DYM: variants seen among roughly 807,000 people sequenced by gnomAD.
DYM encodes the protein dyggve-Melchior-Clausen syndrome protein.
A neutral mutation model predicts 93.1 loss-of-function variants in DYM; 78 were observed. The ratio of observed to expected loss-of-function variants is 0.84; its 90% confidence interval spans 0.70 to 1.01. The LOEUF (loss-of-function observed/expected upper bound fraction) is 1.01. Ranked by LOEUF, DYM falls within the 50% of genes least tolerant of loss-of-function variation. The pLI is 0.00. For synonymous variants in DYM, 321 were observed against 319.7 expected (o/e 1.00, Z -0.04); for missense variants, 789 against 845.0 (o/e 0.93, Z 0.82).
intron 6 of DYM, among the ~76,000 whole-genome samples, chr18:49,347,497 C>T (rs978764486): frequency 6.6e-6 from 1 of 152,040 alleles, no homozygotes; most frequent in African/African-American, 2.4e-5. Flanking sequence ...CTGCAGGAGT[C>T]GCCGATTCGA....
At chr18:49,314,179 A>G (rs2061780115) in intron 8 of DYM, among the ~76,000 whole-genome samples, 1 of 152,174 alleles carries the variant, frequency 6.6e-6, no homozygotes, top group Non-Finnish European at 1.5e-5. Flanking sequence ...AAAACCCTAA[A>G]TGACATAGTT....
intron 13 of DYM, among the ~76,000 whole-genome samples, chr18:49,215,798 G>C (rs182892802): frequency 6.6e-6 from 1 of 152,200 alleles, no homozygotes; most frequent in Non-Finnish European, 1.5e-5. Context: ...GAACAGCTCC[G>C]GTCTACAGCT....
At chr18:49,100,983 T>G (rs1163726454) in intron 16 of DYM, among the ~76,000 whole-genome samples, 1 of 152,224 alleles carries the variant, frequency 6.6e-6, no homozygotes, top group African/African-American at 2.4e-5. Flanking sequence ...CTTTCAGATG[T>G]TGTCTGACTG....
intron 8 of DYM, among the ~76,000 whole-genome samples, chr18:49,325,546 C>T (rs1184112674): frequency 6.6e-6 from 1 of 152,072 alleles, no homozygotes; most frequent in Non-Finnish European, 1.5e-5. Flanking sequence ...TAATTATGGG[C>T]CACACACCTA....
intron 8 of DYM, among the ~76,000 whole-genome samples, chr18:49,306,071 G>A (rs924668785): frequency 6.6e-6 from 1 of 152,204 alleles, no homozygotes; most frequent in Non-Finnish European, 1.5e-5. Flanking sequence ...CAGCTGAAAA[G>A]AAGATTAGTG....
At chr18:49,418,281 C>G (rs192326229) in intron 2 of DYM, among the ~76,000 whole-genome samples, 261 of 152,060 alleles carry the variant, frequency 1.7e-3, no homozygotes, top group African/African-American at 6.0e-3. Context: ...AAGTACAGGT[C>G]TGTTTTTCAT....
chr18:49,066,518 T>C (rs543490114), intron 17 of DYM, among the ~76,000 whole-genome samples: 1 of 152,244 alleles, frequency 6.6e-6, no homozygotes, highest in Non-Finnish European at 1.5e-5. Context: ...CTACCACTGA[T>C]GGACACTGGG....
At chr18:49,234,903 C>T (rs1226304175) in intron 13 of DYM, among the ~76,000 whole-genome samples, 1 of 152,114 alleles carries the variant, frequency 6.6e-6, no homozygotes, top group Non-Finnish European at 1.5e-5. Context: ...GATGCAGGGG[C>T]CCACATGTAA....
At chr18:49,440,374 CATATTAT>C (rs1247003505) in intron 1 of DYM, among the ~76,000 whole-genome samples, 1 of 121,144 alleles carries the variant, frequency 8.3e-6, no homozygotes, top group African/African-American at 3.3e-5. Context: ...TATAATATAG[CATATTAT>C]ATATGATATA....
intron 1 of DYM, among the ~76,000 whole-genome samples, chr18:49,455,003 T>C (rs1292869063): frequency 6.6e-6 from 1 of 150,998 alleles, no homozygotes; most frequent in Non-Finnish European, 1.5e-5. Flanking sequence ...CTCTCCTCTC[T>C]CCTTTCTTCT....
chr18:49,084,365 G>C (rs1316822346), intron 17 of DYM, among the ~76,000 whole-genome samples: 1 of 151,990 alleles, frequency 6.6e-6, no homozygotes, highest in Non-Finnish European at 1.5e-5. Context: ...GACTTGTTTT[G>C]TGACCCAGCA....
chr18:49,073,106 T>A (rs1015201199), intron 17 of DYM, among the ~76,000 whole-genome samples: 7 of 152,216 alleles, frequency 4.6e-5, no homozygotes, highest in Non-Finnish European at 1.0e-4. Flanking sequence ...AGTGACTCAA[T>A]CTCAGGGAAG....
At chr18:49,455,750 G>A (rs148243017) in intron 1 of DYM, among the ~76,000 whole-genome samples, 1 of 152,172 alleles carries the variant, frequency 6.6e-6, no homozygotes, top group East Asian at 1.9e-4. Context: ...TCAGGAGTTC[G>A]AGACAGCCTG....
rs1175843718 is a variant in DYM at position 49,209,608 on chromosome 18, T to C, written c.1568A>G (p.Asn523Ser). The C allele has an allele frequency of 6.2e-6, 8 of 1,289,744 alleles. No individual in the cohort carries two copies. Among genetic ancestry groups the C allele is most frequent in the South Asian group, 6.2e-5 (5 of 81,018 alleles). 79.9% of individuals were successfully genotyped at this position (1,289,744 alleles called of 1,614,324 possible). Residue 523 changes from asparagine (N) to serine (S), a missense_variant, in exon 14 of 18, where the codon AAT (asparagine) becomes AGT (serine). Physicochemically the swap from Asn to Ser is conservative, Grantham distance 46. This residue lies in a region of DYM where 225 missense variants were observed against 303.0 expected (regional missense o/e 0.74). Transcript: ENST00000675505. The part of the protein sequence containing the change: ...LQHCFSTLSD[N>S]GEELLSLTCS... Reference sequence around the variant, plus strand: ...AGTTAAAGACAAGAGTTCCTCTCCATTGTCACTGAGGGTCGAGAAGCAATG... The same window carrying C: ...AGTTAAAGACAAGAGTTCCTCTCCACTGTCACTGAGGGTCGAGAAGCAATG...
intron 14 of DYM, among the ~76,000 whole-genome samples, chr18:49,178,904 AC>A (rs755738056): frequency 4.0e-5 from 6 of 151,692 alleles, no homozygotes; most frequent in Non-Finnish European, 7.4e-5. Context: ...TAACCATGTA[AC>A]CCCCCCACCA....
At position 49,440,236 on chromosome 18, in the gene DYM, A is replaced by T. The variant is rs930577696; in HGVS notation, c.-53-9789T>A. Reference sequence around the variant, plus strand: ...GTTCTAACACCCTCAAAATGTGTAAATGATGCCCTAATGCCCTTTGTCCCT... The same window carrying T: ...GTTCTAACACCCTCAAAATGTGTAATTGATGCCCTAATGCCCTTTGTCCCT... On this transcript the variant is annotated intron_variant, in intron 1 of 17. Transcript: ENST00000675505. 1.4e-5 allele frequency among the ~76,000 whole-genome samples: 2 copies of T among 141,826 alleles called. 1 individual carries two copies. The highest frequency in any genetic ancestry group is 5.1e-5 in the African/African-American group (2 of 39,290). The allele number at this position is 141,826 out of a possible 152,430, so 93.0% of individuals were successfully genotyped here.
intron 6 of DYM, among the ~76,000 whole-genome samples, chr18:49,357,798 T>C (rs1406275801): frequency 6.6e-6 from 1 of 152,176 alleles, no homozygotes; most frequent in African/African-American, 2.4e-5. Flanking sequence ...TCTAGTTTTA[T>C]TGGGAAAATA....
chr18:49,391,773 C>G, intron 2 of DYM, 128 bp from the exon 3 acceptor site: 2 of 686,390 alleles, frequency 2.9e-6, no homozygotes. Flanking sequence ...CAGTAGTGAA[C>G]AATAAGATCA....
chr18:49,166,976 C>T (rs2087955977), intron 14 of DYM, among the ~76,000 whole-genome samples: 2 of 140,812 alleles, frequency 1.4e-5, no homozygotes, highest in African/African-American at 5.3e-5. Context: ...CTGGGATGTT[C>T]ATTCTCACAT....
Sources: gnomAD v4.1 joint callset for allele counts (sites outside exome capture counted in the v4.1 genomes callset) on GRCh38, gnomAD v4.1.1 for gene constraint, gnomAD v4.1.1 regional missense constraint, MANE v1.5 for transcripts, NCBI Gene and HGNC (gene_info 2026-07-23, HGNC 2026-07-21) for gene names.